Variants in VSTM4 observed in about 807,000 individuals in gnomAD.
VSTM4 encodes V-set and transmembrane domain containing 4.
VSTM4 carries 20 observed loss-of-function variants against 36.4 expected under a neutral mutation model. The observed-to-expected ratio is 0.55, with a 90% CI of 0.39 to 0.80. The LOEUF (loss-of-function observed/expected upper bound fraction) is 0.80, where lower values mean the gene tolerates loss of function less well. Ranked by LOEUF, VSTM4 falls within the 30% of genes least tolerant of loss-of-function variation. VSTM4 has a pLI of 0.00. For missense variants in VSTM4, 392 were observed against 404.5 expected, an observed-to-expected ratio of 0.97 and a Z score of 0.26; for synonymous variants, 182 against 173.9, an observed-to-expected ratio of 1.05 and a Z score of -0.37.
At chr10:49,047,117 A>G (rs1843624612) in intron 6 of VSTM4, 73 bp from the exon 7 acceptor site, 1 of 1,454,564 alleles carries the variant, frequency 6.9e-7, no homozygotes, top group Non-Finnish European at 9.7e-7. Flanking sequence ...TATGAGCATC[A>G]GGGACATATT....
intron 4 of VSTM4, among the ~76,000 whole-genome samples, chr10:49,072,194 G>A (rs568514502): frequency 1.6e-4 from 25 of 152,282 alleles, no homozygotes; most frequent in African/African-American, 4.8e-4. Context: ...AGCATCTTGC[G>A]GTGCAGCCTG....
chr10:49,115,057 G>C (rs548834691), intron 1 of VSTM4, among the ~76,000 whole-genome samples: 1 of 152,182 alleles, frequency 6.6e-6, no homozygotes, highest in African/African-American at 2.4e-5. Context: ...CGAGGAATCT[G>C]CCAAGAGCTG....
intron 2 of VSTM4, among the ~76,000 whole-genome samples, chr10:49,096,963 T>G (rs1564593399): frequency 6.6e-6 from 1 of 151,936 alleles, no homozygotes. Context: ...AAAGATCATG[T>G]TTTTTGAAGT....
At chr10:49,076,082 A>G (rs984586727) in intron 4 of VSTM4, among the ~76,000 whole-genome samples, 6 of 152,018 alleles carry the variant, frequency 3.9e-5, no homozygotes, top group African/African-American at 1.4e-4. Flanking sequence ...GGTACTTGTC[A>G]TTGGATGTGT....
chr10:49,029,749 T>A (rs1843316646), intron 7 of VSTM4, among the ~76,000 whole-genome samples: 1 of 152,166 alleles, frequency 6.6e-6, no homozygotes, highest in Admixed American at 6.5e-5. Flanking sequence ...CACCACTCAG[T>A]AGGCAGTATG....
chr10:49,083,762 T>C (rs909143523), intron 3 of VSTM4, among the ~76,000 whole-genome samples: 1 of 152,244 alleles, frequency 6.6e-6, no homozygotes, highest in Non-Finnish European at 1.5e-5. Context: ...GATTATGCTG[T>C]GGGGTATGTT....
At chr10:49,088,673 G>A (rs940805889) in intron 2 of VSTM4, among the ~76,000 whole-genome samples, 4 of 152,220 alleles carry the variant, frequency 2.6e-5, no homozygotes, top group African/African-American at 9.6e-5. Flanking sequence ...CTGGCATGTT[G>A]TATTTACTCT....
At chr10:49,051,721 G>A (rs1228258354) in intron 5 of VSTM4, among the ~76,000 whole-genome samples, 1 of 152,176 alleles carries the variant, frequency 6.6e-6, no homozygotes, top group East Asian at 1.9e-4. Flanking sequence ...TTTGGGCACT[G>A]AGTAATATTC....
chr10:49,115,088 A>T (rs533351432), intron 1 of VSTM4, among the ~76,000 whole-genome samples: 8 of 152,298 alleles, frequency 5.3e-5, no homozygotes, highest in African/African-American at 1.9e-4. Context: ...CTGCCGTGGA[A>T]AAAAGGAAAG....
chr10:49,025,570 GC>G (rs984986819), intron 7 of VSTM4, among the ~76,000 whole-genome samples: 5 of 152,206 alleles, frequency 3.3e-5, no homozygotes, highest in Admixed American at 1.3e-4. Flanking sequence ...AACAGATCTA[GC>G]TGGGTTGCTG....
intron 5 of VSTM4, among the ~76,000 whole-genome samples, chr10:49,062,226 C>A (rs1192745357): frequency 6.6e-6 from 1 of 152,152 alleles, no homozygotes; most frequent in Non-Finnish European, 1.5e-5. Context: ...TTAAAACTCA[C>A]GACTATTCAT....
At chr10:49,107,026 G>A (rs907763286) in intron 2 of VSTM4, among the ~76,000 whole-genome samples, 6 of 152,276 alleles carry the variant, frequency 3.9e-5, no homozygotes, top group South Asian at 4.1e-4. Context: ...TTCAAACTTC[G>A]ATAAGCATCT....
chr10:49,045,500 G>C (rs1843594316), intron 7 of VSTM4, among the ~76,000 whole-genome samples: 1 of 152,126 alleles, frequency 6.6e-6, no homozygotes, highest in Non-Finnish European at 1.5e-5. Flanking sequence ...GTGGGCAAAA[G>C]TTCAAGGAAA....
chr10:49,024,682 A>C (rs1843230805), intron 7 of VSTM4, among the ~76,000 whole-genome samples: 1 of 152,196 alleles, frequency 6.6e-6, no homozygotes, highest in Non-Finnish European at 1.5e-5. Context: ...AAGGTGCTGA[A>C]CATGTGTGTG....
At chr10:49,059,929 C>T (rs556804847) in intron 5 of VSTM4, among the ~76,000 whole-genome samples, 1 of 152,160 alleles carries the variant, frequency 6.6e-6, no homozygotes, top group African/African-American at 2.4e-5. Flanking sequence ...ATAAATGTAC[C>T]TTTTCTAGGC....
intron 5 of VSTM4, among the ~76,000 whole-genome samples, chr10:49,056,775 T>C (rs1843786802): frequency 6.6e-6 from 1 of 152,240 alleles, no homozygotes; most frequent in Non-Finnish European, 1.5e-5. Flanking sequence ...GACAAGACAT[T>C]CTGAGCCGTC....
chr10:49,074,584 C>T (rs966567046), intron 4 of VSTM4, among the ~76,000 whole-genome samples: 4 of 152,198 alleles, frequency 2.6e-5, no homozygotes, highest in African/African-American at 4.8e-5. Flanking sequence ...CCATCATGCA[C>T]GGTCCTCCAT....
intron 4 of VSTM4, among the ~76,000 whole-genome samples, chr10:49,066,665 C>A (rs1332303462): frequency 6.6e-6 from 1 of 152,074 alleles, no homozygotes; most frequent in Non-Finnish European, 1.5e-5. Context: ...AATAAAAATG[C>A]ATTCCCAATA....
At position 49,038,818 on chromosome 10, in the gene VSTM4, G is replaced by T. The variant is rs536408731; in HGVS notation, c.837+8165C>A. 7.9e-5 allele frequency among the ~76,000 whole-genome samples: 12 copies of T among 152,218 alleles called. No homozygotes were observed. The South Asian group carries it at 2.1e-3, about 26-fold the overall frequency. The stretch of plus-strand genomic sequence containing the variant: ...AGGACCCCCGTTAGGGGACCAATGG[G>T]CTGCACAGATGGCTGCTGTGCCTGT... On this transcript the variant is annotated intron_variant, in intron 7 of 7. Coordinates refer to ENST00000332853, the MANE Select transcript of VSTM4 (RefSeq NM_001031746.5).
Sources: gnomAD v4.1 joint callset for allele counts (sites outside exome capture counted in the v4.1 genomes callset) on GRCh38, gnomAD v4.1.1 for gene constraint, MANE v1.5 for transcripts, NCBI Gene and HGNC (gene_info 2026-07-23, HGNC 2026-07-21) for gene names.